Variants in ABHD13 observed in about 807,000 individuals in gnomAD.
ABHD13 encodes the protein protein ABHD13.
ABHD13 carries 7 observed loss-of-function variants against 25.2 expected under a neutral mutation model. That is an observed-to-expected ratio of 0.28 (90% CI 0.16 to 0.52). ABHD13 has a LOEUF of 0.52. Among genes scored for constraint, ABHD13 ranks in the 20% least tolerant of loss-of-function variants. ABHD13 has a pLI of 0.96. For synonymous variants in ABHD13, 133 were observed against 136.1 expected (o/e 0.98, Z 0.16); for missense variants, 302 against 402.7 (o/e 0.75, Z 2.14).
chr13:108,229,862 T>C lies in ABHD13; in HGVS notation c.644T>C (p.Val215Ala). ...ENSHRISAIM[V>A]ENTFLSIPHM... The stretch of plus-strand genomic sequence containing the variant: ...TCACATAGGATTTCAGCCATTATGG[T>C]GGAGAACACATTTTTAAGCATACCA... Residue 215 changes from valine (V) to alanine (A), a missense_variant, in exon 2 of 2, where the codon GTG becomes GCG. Coordinates refer to ENST00000375898, the MANE Select transcript of ABHD13 (RefSeq NM_032859.3). The surrounding 1 kb of genome is among the most constrained non-coding windows in gnomAD (Gnocchi z 4.7). The C allele has an allele frequency of 6.2e-7, 1 of 1,613,476 alleles. No individual in the cohort carries two copies. The highest frequency in any genetic ancestry group is 8.5e-7 in the Non-Finnish European group (1 of 1,179,498).
At chr13:108,226,826 A>G (rs1358877839) in intron 1 of ABHD13, among the ~76,000 whole-genome samples, 2 of 152,092 alleles carry the variant, frequency 1.3e-5, no homozygotes, top group African/African-American at 4.8e-5. Context: ...TTCCTTTAAG[A>G]TCACCTTTGA....
chr13:108,232,140 G>A lies in ABHD13; in HGVS notation c.*1908G>A, dbSNP rs2139016759. 6.0e-6 allele frequency: 1 copy of A among 166,566 alleles called. No homozygotes were observed. Among genetic ancestry groups the A allele is most frequent in the South Asian group, 2.1e-4 (1 of 4,820 alleles). The allele number at this position is 166,566 out of a possible 1,614,324, so 10.3% of individuals were successfully genotyped here. ...AAAACCTTATGTTTTTATGTAATCA[G>A]TCATTACACTAGGGAGAAATTTATC... On this transcript the variant is annotated 3_prime_UTR_variant, in exon 2 of 2. Transcript: ENST00000375898.
intron 1 of ABHD13, among the ~76,000 whole-genome samples, chr13:108,220,860 GT>G (rs1879553575): frequency 6.6e-6 from 1 of 152,162 alleles, no homozygotes; most frequent in South Asian, 2.1e-4. Flanking sequence ...TATAGGTAAA[GT>G]TTTAGAACAT....
intron 1 of ABHD13, among the ~76,000 whole-genome samples, chr13:108,226,944 T>C (rs1879686427): frequency 6.6e-6 from 1 of 152,004 alleles, no homozygotes; most frequent in African/African-American, 2.4e-5. Flanking sequence ...ACCAGCAATA[T>C]AAGAATATGT....
chr13:108,220,022 CATA>C (rs555756343), intron 1 of ABHD13, among the ~76,000 whole-genome samples: 515 of 152,284 alleles, frequency 3.4e-3, no homozygotes, highest in Non-Finnish European at 6.1e-3. Flanking sequence ...AATTTTGTCT[CATA>C]GAAGTAGCTG....
intron 1 of ABHD13, among the ~76,000 whole-genome samples, chr13:108,221,133 T>C (rs1879559022): frequency 6.6e-6 from 1 of 152,238 alleles, no homozygotes; most frequent in African/African-American, 2.4e-5. Context: ...ATTTAAATCC[T>C]AGTTAAAGAT....
At chr13:108,224,928 A>G (rs1566379933) in intron 1 of ABHD13, among the ~76,000 whole-genome samples, 1 of 152,230 alleles carries the variant, frequency 6.6e-6, no homozygotes, top group Admixed American at 6.5e-5. Context: ...TAATTTATAC[A>G]GTACATGATA....
chr13:108,224,179 C>T (rs561084143), intron 1 of ABHD13, among the ~76,000 whole-genome samples: 1 of 152,264 alleles, frequency 6.6e-6, no homozygotes, highest in Non-Finnish European at 1.5e-5. Context: ...TTTTCTTTGT[C>T]TGCTCTATAA....
At chr13:108,221,044 C>G (rs1308836074) in intron 1 of ABHD13, among the ~76,000 whole-genome samples, 1 of 152,194 alleles carries the variant, frequency 6.6e-6, no homozygotes, top group African/African-American at 2.4e-5. Flanking sequence ...AGAGTTGACT[C>G]TATTTGCCAA....
At chr13:108,225,970 C>CA (rs1454815038) in intron 1 of ABHD13, among the ~76,000 whole-genome samples, 2 of 152,094 alleles carry the variant, frequency 1.3e-5, no homozygotes, top group Non-Finnish European at 2.9e-5. Context: ...ATTTCACATG[C>CA]AGAAGAACCC....
chr13:108,222,851 T>C (rs1290333802), intron 1 of ABHD13, among the ~76,000 whole-genome samples: 1 of 152,236 alleles, frequency 6.6e-6, no homozygotes, highest in African/African-American at 2.4e-5. Flanking sequence ...ATCTTTAATG[T>C]CTGCCTCATA....
In ABHD13 at chr13:108,229,189, C is replaced by G. The variant is rs1879737729; in HGVS notation, c.-20-10C>G. 1 of 1,496,868 alleles carries G rather than the reference C, an allele frequency of 6.7e-7. No individual in the cohort carries two copies. The highest frequency in any genetic ancestry group is 2.4e-5 in the Admixed American group (1 of 41,818). The allele number at this position is 1,496,868 out of a possible 1,614,324, so 92.7% of individuals were successfully genotyped here. A position where few individuals can be genotyped will look rare whatever the true frequency, so the allele number is the denominator to read the frequency against. On this transcript the variant is annotated splice_polypyrimidine_tract_variant and intron_variant, in intron 1 of 1. Coordinates refer to ENST00000375898, the MANE Select transcript of ABHD13 (RefSeq NM_032859.3). This position sits in a 1 kb window ranked among gnomAD's most constrained non-coding sequence, Gnocchi z 4.7. Reference sequence around the variant, plus strand: ...GTTGAATTATTGATATTCTCCCTCTCTCTCTCTAGGATACTTACAGAGAGC... The same window carrying G: ...GTTGAATTATTGATATTCTCCCTCTGTCTCTCTAGGATACTTACAGAGAGC...
rs186651509 is a variant in ABHD13 at position 108,223,750 on chromosome 13, T to C, written c.-21+5091T>C. ...TGATCTTGTGGACCCCATTAGAGGG[T>C]CTTGGGGACCCTCAGGTTTCTGACC... On this transcript the variant is annotated intron_variant, in intron 1 of 1. Coordinates refer to ENST00000375898, the MANE Select transcript of ABHD13 (RefSeq NM_032859.3). Among the ~76,000 whole-genome samples, 790 of 152,296 alleles carry C rather than the reference T, an allele frequency of 5.2e-3. 5 individuals carry two copies. The highest frequency in any genetic ancestry group is 6.0e-3 in the Non-Finnish European group (407 of 68,028).
chr13:108,229,158 A>G lies in ABHD13; in HGVS notation c.-20-41A>G. On this transcript the variant is annotated intron_variant, in intron 1 of 1. Transcript: ENST00000375898. The surrounding 1 kb of genome is among the most constrained non-coding windows in gnomAD (Gnocchi z 4.7). Reference sequence around the variant, plus strand: ...ATATTGTGGATTTTTAAAAGAATAGATAGACGTTGAATTATTGATATTCTC... The same window carrying G: ...ATATTGTGGATTTTTAAAAGAATAGGTAGACGTTGAATTATTGATATTCTC... The G allele has an allele frequency of 1.4e-6, 2 of 1,414,364 alleles. No homozygotes were observed. The highest frequency in any genetic ancestry group is 1.4e-5 in the South Asian group (1 of 68,972). 87.6% of individuals were successfully genotyped at this position (1,414,364 alleles called of 1,614,324 possible).
chr13:108,229,354 C>G lies in ABHD13; in HGVS notation c.136C>G (p.Leu46Val). 6.2e-7 allele frequency: 1 copy of G among 1,612,746 alleles called. No homozygotes were observed. The highest frequency in any genetic ancestry group is 8.5e-7 in the Non-Finnish European group (1 of 1,179,246). ...TCATCTGTATGGAGGCATTATCTTA[C>G]TTTTGTTAATATTCATATCAATAGC... Reference protein sequence around the residue: ...TFHLYGGIILLLLIFISIAGI... With the variant: ...TFHLYGGIILVLLIFISIAGI... The change falls in exon 2 of 2, where the codon CTT becomes GTT. Residue 46 changes from leucine (L) to valine (V), a missense_variant. Leu to Val is a conservative substitution (Grantham distance 32, BLOSUM62 1). Coordinates refer to ENST00000375898, the MANE Select transcript of ABHD13 (RefSeq NM_032859.3). The surrounding 1 kb of genome is among the most constrained non-coding windows in gnomAD (Gnocchi z 4.7).
intron 1 of ABHD13, among the ~76,000 whole-genome samples, chr13:108,226,403 TTTAGC>T (rs1345627008): frequency 6.6e-6 from 1 of 152,140 alleles, no homozygotes; most frequent in African/African-American, 2.4e-5. Context: ...ACTGGGCATG[TTTAGC>T]CCTGCTCACT....
chr13:108,232,633 T>C lies in ABHD13; in HGVS notation c.*2401T>C, dbSNP rs1163094258. Reference sequence around the variant, plus strand: ...TGTATCTATCTTGTGTATTAACTTCTGACTTATTTATACAAGAGCAGCTAT... The same window carrying C: ...TGTATCTATCTTGTGTATTAACTTCCGACTTATTTATACAAGAGCAGCTAT... On this transcript the variant is annotated 3_prime_UTR_variant, in exon 2 of 2. Transcript: ENST00000375898. 6.0e-6 allele frequency: 1 copy of C among 166,842 alleles called. No individual in the cohort carries two copies. The highest frequency in any genetic ancestry group is 1.5e-5 in the Non-Finnish European group (1 of 68,034). 10.3% of individuals were successfully genotyped at this position (166,842 alleles called of 1,614,324 possible).
intron 1 of ABHD13, among the ~76,000 whole-genome samples, chr13:108,225,497 T>G (rs1879655059): frequency 6.6e-6 from 1 of 152,116 alleles, no homozygotes; most frequent in African/African-American, 2.4e-5. Context: ...GATGACACTT[T>G]GGGGGTCTGG....
At chr13:108,221,174 A>G (rs578175453) in intron 1 of ABHD13, among the ~76,000 whole-genome samples, 2 of 152,374 alleles carry the variant, frequency 1.3e-5, no homozygotes, top group Non-Finnish European at 2.9e-5. Context: ...ATTATCCAGC[A>G]TCTCCATAGG....
Sources: gnomAD v4.1 joint callset for allele counts (sites outside exome capture counted in the v4.1 genomes callset) on GRCh38, gnomAD v4.1.1 for gene constraint, Gnocchi (gnomAD v3.1) non-coding constraint, MANE v1.5 for transcripts, NCBI Gene and HGNC (gene_info 2026-07-23, HGNC 2026-07-21) for gene names.